The following PRR14 variants were observed in gnomAD, a reference collection of about 807,000 sequenced individuals.
PRR14 encodes the protein proline rich 14, also known as proline-rich protein 14.
PRR14 carries 33 observed loss-of-function variants against 57.2 expected under a neutral mutation model. The ratio of observed to expected loss-of-function variants is 0.58; its 90% CI spans 0.44 to 0.77. The LOEUF (loss-of-function observed/expected upper bound fraction) is 0.77, where lower values mean the gene tolerates loss of function less well. Ranked by LOEUF, PRR14 falls within the 30% of genes least tolerant of loss-of-function variation. The pLI is 0.00. For missense variants in PRR14, 716 were observed against 788.1 expected (o/e 0.91, Z 1.10); for synonymous variants, 303 against 314.7 (o/e 0.96, Z 0.39).
rs939159995 is a variant in PRR14 at position 30,654,679 on chromosome 16, T to C, written c.709T>C (p.Leu237=). ...LPSTPPPSSL[L]RPRLSPWGLA... is the part of the protein sequence containing the mutation. ...ATCCACCCCACCACCGTCCAGCCTT[T>C]TACGCCCCCGCCTCAGTCCCTGGGG... is the stretch of plus-strand genomic sequence containing the variant. Residue 237 remains leucine (L), a synonymous_variant, in exon 8 of 12, where the codon TTA becomes CTA. Coordinates refer to ENST00000300835, the MANE Select transcript of PRR14 (RefSeq NM_024031.5). The C allele has an allele frequency of 6.2e-7, 1 of 1,613,354 alleles. No individual in the cohort carries two copies. The highest frequency in any genetic ancestry group is 1.3e-5 in the African/African-American group (1 of 74,874).
chr16:30,655,525 C>G lies in PRR14; in HGVS notation c.1338C>G (p.Phe446Leu). ...ETKTMGKVSR[F>L]RIRRTPARPQ... is the part of the protein sequence containing the mutation. Reference sequence around the variant, plus strand: ...AGACCATGGGAAAGGTTTCTCGATTCAGAATACGCAGAACACCAGCCCGTC... The same window carrying G: ...AGACCATGGGAAAGGTTTCTCGATTGAGAATACGCAGAACACCAGCCCGTC... Residue 446 changes from phenylalanine to leucine, a missense_variant, in exon 10 of 12, where the codon TTC becomes TTG. By Grantham distance (22) the Phe-to-Leu change is conservative (BLOSUM62 0). Transcript: ENST00000300835. This position sits in a 1 kb window ranked among gnomAD's most constrained non-coding sequence, Gnocchi z 4.6. 1 of 1,614,250 alleles carries G rather than the reference C, an allele frequency of 6.2e-7. No individual in the cohort carries two copies. The highest frequency in any genetic ancestry group is 8.5e-7 in the Non-Finnish European group (1 of 1,180,050).
intron 7 of PRR14, 52 bp downstream of exon 7, chr16:30,654,391 G>A (rs2052344761): frequency 6.9e-7 from 1 of 1,458,430 alleles, no homozygotes; most frequent in African/African-American, 1.4e-5. Flanking sequence ...GGACATCCTA[G>A]TTGAGCTTGG....
rs763786226 is a variant in PRR14, at chr16:30,652,807, G to A, written c.279G>A (p.Ser93=). The A allele has an allele frequency of 1.1e-5, 17 of 1,614,026 alleles. No individual in the cohort carries two copies. The highest frequency in any genetic ancestry group is 8.0e-5 in the African/African-American group (6 of 74,918). The change falls in exon 4 of 12, where the codon TCG becomes TCA. Residue 93 remains serine (S), a synonymous_variant. Transcript: ENST00000300835. ...CTGTCCACAGGCAGCCGCCTGCCTCGCCACCCCGGCAGGCCGGGTGGTCCT... is the reference window on the plus strand; with the variant it reads ...CTGTCCACAGGCAGCCGCCTGCCTCACCACCCCGGCAGGCCGGGTGGTCCT... ...QDPVHRQPPA[S]PPRQAGWSSQ...
At position 30,655,504 on chromosome 16, in the gene PRR14, C is replaced by T. The variant is rs747354698; in HGVS notation, c.1317C>T (p.Thr439=). 12 of 1,614,038 alleles carry T rather than the reference C, an allele frequency of 7.4e-6. No homozygotes were observed. The highest frequency in any genetic ancestry group is 1.7e-5 in the Admixed American group (1 of 60,002). ...CACCCTCTGCCCCATTTTTGCAGAC[C>T]ATGGGAAAGGTTTCTCGATTCAGAA... The part of the protein sequence containing the change: ...DQVLSEPETK[T]MGKVSRFRIR... Residue 439 remains threonine (T), a splice_region_variant and synonymous_variant, in exon 10 of 12, where the codon ACC becomes ACT. Transcript: ENST00000300835. The surrounding 1 kb of genome is among the most constrained non-coding windows in gnomAD (Gnocchi z 4.6).
Position 30,651,179 on chromosome 16 carries a change from G to C in PRR14, c.-51+52G>C. Reference sequence around the variant, plus strand: ...TCTAGGGGATCTGGTGGGATGGAGGGTCGTCGATGTATGGAGTATTGCTTT... The same window carrying C: ...TCTAGGGGATCTGGTGGGATGGAGGCTCGTCGATGTATGGAGTATTGCTTT... On this transcript the variant is annotated intron_variant, in intron 1 of 11. Coordinates refer to ENST00000300835, the MANE Select transcript of PRR14 (RefSeq NM_024031.5). The surrounding 1 kb of genome is among the most constrained non-coding windows in gnomAD (Gnocchi z 5.0). The C allele has an allele frequency of 2.5e-6, 1 of 403,144 alleles. No individual in the cohort carries two copies. The highest frequency in any genetic ancestry group is 1.7e-5 in the South Asian group (1 of 58,528). 25.0% of individuals were successfully genotyped at this position (403,144 alleles called of 1,614,324 possible).
chr16:30,652,985 G>T lies in PRR14; in HGVS notation c.386G>T (p.Arg129Leu). 6.2e-7 allele frequency: 1 copy of T among 1,614,168 alleles called. No individual in the cohort carries two copies. The highest frequency in any genetic ancestry group is 8.5e-7 in the Non-Finnish European group (1 of 1,180,026). Reference sequence around the variant, plus strand: ...CACCGGACCTCTTCCACCCTGAGGCGGCGATCAAGGACAACCCCTGGCCCA... The same window carrying T: ...CACCGGACCTCTTCCACCCTGAGGCTGCGATCAAGGACAACCCCTGGCCCA... ...RIHRTSSTLR[R>L]RSRTTPGPEE... The change falls in exon 5 of 12, where the codon CGG (arginine) becomes CTG (leucine). Residue 129 changes from arginine (R) to leucine (L), a missense_variant. Physicochemically the swap from Arg to Leu is moderately radical, Grantham distance 102 (BLOSUM62 -2). Coordinates refer to ENST00000300835, the MANE Select transcript of PRR14 (RefSeq NM_024031.5).
chr16:30,652,119 C>T, intron 3 of PRR14, 155 bp downstream of exon 3: 1 of 809,954 alleles, frequency 1.2e-6, no homozygotes, highest in South Asian at 1.9e-5. Context: ...TCCTGCTTGG[C>T]TCCCACTTAC....
In PRR14 at chr16:30,653,093, C is replaced by A. The variant is rs778777853; in HGVS notation, c.494C>A (p.Pro165His). ...CTGGAAGACATCGCCAGTCCTAGACCCCCCGCTGAGGTATGGGAACTGAGG... is the reference window on the plus strand; with the variant it reads ...CTGGAAGACATCGCCAGTCCTAGACACCCCGCTGAGGTATGGGAACTGAGG... The part of the protein sequence containing the change: ...VMLEDIASPR[P>H]PAEGFIDETP... The change falls in exon 5 of 12, where the codon CCC (proline) becomes CAC (histidine). Residue 165 changes from proline to histidine, a missense_variant. By Grantham distance (77) the Pro-to-His change is moderately conservative. Transcript: ENST00000300835. 5 of 1,605,332 alleles carry A rather than the reference C, an allele frequency of 3.1e-6. No homozygotes were observed. In the African/African-American group the frequency reaches 6.7e-5, roughly 21 times the overall value.
intron 7 of PRR14, 125 bp from the exon 8 acceptor site, chr16:30,654,504 C>T: frequency 1.0e-6 from 1 of 978,636 alleles, no homozygotes; most frequent in East Asian, 2.5e-5. Context: ...AAGTTCAATT[C>T]TTAAATGCAG....
chr16:30,651,683 G>C lies in PRR14; in HGVS notation c.23+15G>C. Reference sequence around the variant, plus strand: ...GGGGACTCCAGGTGAGAGCGTACCCGGGCGGCCCGCCTGTCTTGACCCCGG... The same window carrying C: ...GGGGACTCCAGGTGAGAGCGTACCCCGGCGGCCCGCCTGTCTTGACCCCGG... On this transcript the variant is annotated intron_variant, in intron 2 of 11. Transcript: ENST00000300835. The surrounding 1 kb of genome is among the most constrained non-coding windows in gnomAD (Gnocchi z 5.0). 6.2e-7 allele frequency: 1 copy of C among 1,603,342 alleles called. No individual in the cohort carries two copies. Among genetic ancestry groups the C allele is most frequent in the South Asian group, 1.1e-5 (1 of 90,910 alleles).
intron 3 of PRR14, chr16:30,652,503 A>C (rs951276974): frequency 9.6e-5 from 60 of 625,460 alleles, no homozygotes; most frequent in Admixed American, 1.4e-4. Context: ...TTCTCTAAAC[A>C]GCGTGGATGA....
rs978848056 is a variant in PRR14, at chr16:30,651,487, G to A, written c.-50-109G>A. 6 of 552,204 alleles carry A rather than the reference G, an allele frequency of 1.1e-5. No individual in the cohort carries two copies. Among genetic ancestry groups the A allele is most frequent in the Non-Finnish European group, 1.9e-5 (6 of 324,058 alleles). 34.2% of individuals were successfully genotyped at this position (552,204 alleles called of 1,614,324 possible). On this transcript the variant is annotated intron_variant, in intron 1 of 11. Coordinates refer to ENST00000300835, the MANE Select transcript of PRR14 (RefSeq NM_024031.5). This position sits in a 1 kb window ranked among gnomAD's most constrained non-coding sequence, Gnocchi z 5.0. ...GCCGGGGGCGCCCTTTCGCGCCCCA[G>A]GGCTGCGGCCGCTGGGCTACGGGGA...
At position 30,652,859 on chromosome 16, in the gene PRR14, G is replaced by A. The variant is rs2052327507; in HGVS notation, c.314+17G>A. 1 of 1,613,930 alleles carries A rather than the reference G, an allele frequency of 6.2e-7. No individual in the cohort carries two copies. The highest frequency in any genetic ancestry group is 1.7e-5 in the Admixed American group (1 of 59,996). On this transcript the variant is annotated intron_variant, in intron 4 of 11. Coordinates refer to ENST00000300835, the MANE Select transcript of PRR14 (RefSeq NM_024031.5). ...GCAGGCCAGGTGAGCATGGCAGGAT[G>A]GGGGTAAGCCGAGGGCCCAGCTGAG...
chr16:30,652,941 C>T lies in PRR14; in HGVS notation c.342C>T (p.Arg114=), dbSNP rs759033419. 4.3e-6 allele frequency: 7 copies of T among 1,613,902 alleles called. No homozygotes were observed. The highest frequency in any genetic ancestry group is 3.3e-5 in the South Asian group (3 of 91,076). ...CTCCCGACCCTCTGTGTTTGTGTCG[C>T]GAGCCCTTGAGCCGCATCCACCGGA... ...ARPPDPLCLC[R]EPLSRIHRTS... The change falls in exon 5 of 12, where the codon CGC becomes CGT. Residue 114 remains arginine, a synonymous_variant. Transcript: ENST00000300835.
chr16:30,650,839 C>G (rs1253339766), upstream of PRR14: 1 of 338,568 alleles, frequency 3.0e-6, no homozygotes, highest in East Asian at 8.2e-5. Flanking sequence ...CAAGGAGTGG[C>G]TGGAGAGAGG....
chr16:30,652,587 C>A, intron 3 of PRR14, 134 bp from the exon 4 acceptor site: 1 of 1,124,822 alleles, frequency 8.9e-7, no homozygotes. Context: ...TTCATCTCTT[C>A]TCTTGGGATC....
rs2052353651 is a variant in PRR14, at chr16:30,654,958, C to G, written c.988C>G (p.Arg330Gly). 1 of 1,611,746 alleles carries G rather than the reference C, an allele frequency of 6.2e-7. No individual in the cohort carries two copies. The highest frequency in any genetic ancestry group is 8.5e-7 in the Non-Finnish European group (1 of 1,180,024). The change falls in exon 8 of 12, where the codon CGA becomes GGA. Residue 330 changes from arginine (R) to glycine (G), a missense_variant. Coordinates refer to ENST00000300835, the MANE Select transcript of PRR14 (RefSeq NM_024031.5). ...PALLPKPSLG[R>G]SYSCPDLGPP... ...ACTTCTCCCTAAGCCCTCTCTGGGC[C>G]GAAGCTACTCCTGCCCTGATCTGGG...
intron 3 of PRR14, chr16:30,652,497 C>T (rs558733779): frequency 4.8e-6 from 3 of 623,750 alleles, no homozygotes; most frequent in African/African-American, 3.7e-5. Context: ...TTTCATTTCT[C>T]TAAACAGCGT....
rs750374360 is a variant in PRR14 at position 30,655,081 on chromosome 16, C to A, written c.1111C>A (p.Arg371=). 16 of 1,611,538 alleles carry A rather than the reference C, an allele frequency of 9.9e-6. No individual in the cohort carries two copies. The African/African-American group carries it at 2.0e-4, about 20-fold the overall frequency. The stretch of plus-strand genomic sequence containing the variant: ...CACTGTGGGTGGTGGGGAAATGGCC[C>A]GAGCCCCGCCACCCCCTCGGCCCTG... ...RHTVGGGEMA[R]APPPPRPCLR... is the part of the protein sequence containing the mutation. Residue 371 remains arginine, a synonymous_variant, in exon 8 of 12, where the codon CGA becomes AGA. Coordinates refer to ENST00000300835, the MANE Select transcript of PRR14 (RefSeq NM_024031.5). This position sits in a 1 kb window ranked among gnomAD's most constrained non-coding sequence, Gnocchi z 4.6.
Sources: allele counts gnomAD v4.1 joint callset, GRCh38; gene constraint gnomAD v4.1.1; non-coding constraint Gnocchi (gnomAD v3.1); transcripts MANE v1.5; gene names NCBI Gene and HGNC (gene_info 2026-07-23, HGNC 2026-07-21).